Variants in PHLPP2 observed in about 807,000 individuals in gnomAD.
The protein encoded by PHLPP2 is PH domain leucine-rich repeat-containing protein phosphatase 2.
In PHLPP2, 66 loss-of-function variants were observed where a neutral mutation model predicts 124.9. The observed-to-expected ratio is 0.53, with a 90% confidence interval of 0.43 to 0.65. The LOEUF (loss-of-function observed/expected upper bound fraction) is 0.65, where lower values mean the gene tolerates loss of function less well. Ranked by LOEUF, PHLPP2 falls within the 30% of genes least tolerant of loss-of-function variation. The probability of loss-of-function intolerance (pLI) is 0.00; values close to 1 mark genes in which losing one functional copy is unlikely to be tolerated. For synonymous variants in PHLPP2, 681 were observed against 624.7 expected, an observed-to-expected ratio of 1.09 and a Z score of -1.34; for missense variants, 1,685 against 1,600.4, an observed-to-expected ratio of 1.05 and a Z score of -0.90.
At chr16:71,651,951 G>A (rs1039749569) in intron 18 of PHLPP2, among the ~76,000 whole-genome samples, 6 of 152,124 alleles carry the variant, frequency 3.9e-5, no homozygotes, top group Non-Finnish European at 8.8e-5. Flanking sequence ...TAACACAGAA[G>A]AAAATCTAGG....
At chr16:71,706,536 A>T (rs559826306) in intron 2 of PHLPP2, among the ~76,000 whole-genome samples, 1 of 152,342 alleles carries the variant, frequency 6.6e-6, no homozygotes, top group East Asian at 1.9e-4. Context: ...TCAATCCTTG[A>T]CTGCCTATAA....
intron 17 of PHLPP2, 58 bp from the exon 18 acceptor site, chr16:71,653,079 G>T: frequency 1.9e-6 from 2 of 1,060,940 alleles, no homozygotes; most frequent in Admixed American, 2.1e-5. Flanking sequence ...GAAAGTGGTG[G>T]TCCTGCACGT....
chr16:71,705,159 AAC>A (rs1347113415), intron 2 of PHLPP2, among the ~76,000 whole-genome samples: 1 of 152,176 alleles, frequency 6.6e-6, no homozygotes, highest in African/African-American at 2.4e-5. Flanking sequence ...TTTTAGAAGA[AAC>A]ACCTGTAAGA....
intron 3 of PHLPP2, among the ~76,000 whole-genome samples, chr16:71,693,864 C>T (rs1467473090): frequency 6.6e-6 from 1 of 152,146 alleles, no homozygotes; most frequent in Non-Finnish European, 1.5e-5. Flanking sequence ...AGAAAACTTT[C>T]CTATCAGCTA....
Position 71,648,812 on chromosome 16 carries a change from T to G in PHLPP2, c.*78A>C. 1.0e-6 allele frequency: 1 copy of G among 996,526 alleles called. No homozygotes were observed. The highest frequency in any genetic ancestry group is 1.5e-6 in the Non-Finnish European group (1 of 662,238). The allele number at this position is 996,526 out of a possible 1,614,324, so 61.7% of individuals were successfully genotyped here. On this transcript the variant is annotated 3_prime_UTR_variant, in exon 19 of 19. Transcript: ENST00000568954. ...AAAAAAACGAACAAACAAAAAGAAA[T>G]GTAGAGGCAGAATGCCTCTAGCAAG...
At chr16:71,662,225 T>C (rs1315699763) in intron 13 of PHLPP2, among the ~76,000 whole-genome samples, 2 of 150,928 alleles carry the variant, frequency 1.3e-5, no homozygotes, top group Admixed American at 6.6e-5. Context: ...AGGCCAGGAG[T>C]TCGAGACTAG....
At chr16:71,698,831 C>G (rs1299343196) in intron 3 of PHLPP2, 1 of 228,572 alleles carries the variant, frequency 4.4e-6, no homozygotes, top group Non-Finnish European at 8.8e-6. Flanking sequence ...TCACTTTTCC[C>G]CCAGCACTCC....
At chr16:71,679,609 G>T in intron 6 of PHLPP2, 74 bp from the exon 7 acceptor site, 2 of 1,226,794 alleles carry the variant, frequency 1.6e-6, no homozygotes, top group Non-Finnish European at 1.2e-6. Flanking sequence ...GGACATCAAC[G>T]GCCTTTGATA....
chr16:71,669,131 T>A, intron 11 of PHLPP2, 144 bp downstream of exon 11: 2 of 569,558 alleles, frequency 3.5e-6, no homozygotes, highest in Non-Finnish European at 6.3e-6. Context: ...ACTATGTTCC[T>A]TACAGCACAT....
Position 71,723,865 on chromosome 16 carries a change from C to A in PHLPP2, c.-7+464G>T, listed in dbSNP as rs781642713. ...CCGCGGGCCCCGGCTCCACCTCCCC[C>A]ATCGGCGACCCAGGATTCACAGAGA... On this transcript the variant is annotated intron_variant, in intron 1 of 18. Transcript: ENST00000568954. The A allele has an allele frequency of 1.0e-5, 12 of 1,186,964 alleles. No individual in the cohort carries two copies. In the South Asian group the frequency reaches 2.9e-4, roughly 29 times the overall value. 73.5% of individuals were successfully genotyped at this position (1,186,964 alleles called of 1,614,324 possible). A position where few individuals can be genotyped will look rare whatever the true frequency, so the allele number is the denominator to read the frequency against.
intron 13 of PHLPP2, among the ~76,000 whole-genome samples, chr16:71,662,935 C>T (rs564501811): frequency 6.6e-6 from 1 of 152,168 alleles, no homozygotes; most frequent in Admixed American, 6.5e-5. Flanking sequence ...CTGACACTGT[C>T]TCAAACTTTC....
chr16:71,696,375 G>A (rs770246799), intron 3 of PHLPP2, among the ~76,000 whole-genome samples: 1 of 151,988 alleles, frequency 6.6e-6, no homozygotes, highest in East Asian at 1.9e-4. Flanking sequence ...AGTGGCTCAC[G>A]CCTGCAATCC....
At chr16:71,658,457 G>A (rs981115899) in intron 14 of PHLPP2, 94 bp from the exon 15 acceptor site, 1 of 1,267,114 alleles carries the variant, frequency 7.9e-7, no homozygotes, top group Admixed American at 2.5e-5. Context: ...CCCCAAAGAG[G>A]AACTTAATTT....
chr16:71,685,775 C>CA (rs767093964), intron 4 of PHLPP2, among the ~76,000 whole-genome samples: 28 of 152,192 alleles, frequency 1.8e-4, no homozygotes, highest in South Asian at 4.1e-4. Context: ...CATATAATGT[C>CA]AAATACTGAG....
intron 4 of PHLPP2, among the ~76,000 whole-genome samples, chr16:71,688,677 C>A (rs942029226): frequency 6.7e-5 from 9 of 133,660 alleles, no homozygotes; most frequent in African/African-American, 2.3e-4. Flanking sequence ...ATGGTAGGTT[C>A]ATTTTCTCTC....
At chr16:71,687,011 A>G (rs954220569) in intron 4 of PHLPP2, among the ~76,000 whole-genome samples, 1 of 152,240 alleles carries the variant, frequency 6.6e-6, no homozygotes, top group Non-Finnish European at 1.5e-5. Flanking sequence ...AAAATGAATA[A>G]CTGTTTTGCA....
chr16:71,697,882 C>A (rs979000581), intron 3 of PHLPP2, among the ~76,000 whole-genome samples: 1 of 131,640 alleles, frequency 7.6e-6, no homozygotes, highest in Non-Finnish European at 1.5e-5. Flanking sequence ...GAGTCTTGCT[C>A]TGTCGCCCAG....
chr16:71,654,011 C>T (rs961514913), intron 17 of PHLPP2, among the ~76,000 whole-genome samples: 24 of 151,762 alleles, frequency 1.6e-4, no homozygotes, highest in African/African-American at 5.3e-4. Flanking sequence ...CTGGCTAACA[C>T]GGTGAAAACC....
intron 6 of PHLPP2, among the ~76,000 whole-genome samples, chr16:71,680,903 C>T (rs1283804673): frequency 6.6e-6 from 1 of 152,168 alleles, no homozygotes; most frequent in Non-Finnish European, 1.5e-5. Flanking sequence ...TTCATTTTTA[C>T]ATGCCAATAT....
Sources: gnomAD v4.1 joint callset for allele counts (sites outside exome capture counted in the v4.1 genomes callset) on GRCh38, gnomAD v4.1.1 for gene constraint, MANE v1.5 for transcripts, NCBI Gene and HGNC (gene_info 2026-07-23, HGNC 2026-07-21) for gene names.